Variants in THSD7B observed in about 807,000 individuals in gnomAD.
THSD7B encodes the protein thrombospondin type-1 domain-containing protein 7B.
Under a neutral mutation model 213.6 loss-of-function variants are expected in THSD7B, and 138 were observed. That is an observed-to-expected ratio of 0.65 (90% confidence interval 0.56 to 0.74). The LOEUF is 0.74. THSD7B is among the 30% of genes least tolerant of loss of function. The probability of loss-of-function intolerance (pLI) is 0.00; values close to 1 mark genes in which losing one functional copy is unlikely to be tolerated. For missense variants in THSD7B, 1,931 were observed against 1,991.5 expected, an observed-to-expected ratio of 0.97 and a Z score of 0.58; for synonymous variants, 742 against 687.0, an observed-to-expected ratio of 1.08 and a Z score of -1.25.
At chr2:137,085,949 A>G (rs1392652733) in intron 3 of THSD7B, among the ~76,000 whole-genome samples, 1 of 152,212 alleles carries the variant, frequency 6.6e-6, no homozygotes, top group African/African-American at 2.4e-5. Context: ...TACTCTTCAG[A>G]ATCTATGCAT....
chr2:137,201,190 G>A (rs2105024344), intron 7 of THSD7B, among the ~76,000 whole-genome samples: 1 of 152,208 alleles, frequency 6.6e-6, no homozygotes, highest in South Asian at 2.1e-4. Flanking sequence ...CCATTTTAGT[G>A]TGTGTCTTTG....
At chr2:137,380,739 A>G (rs1685756232) in intron 12 of THSD7B, among the ~76,000 whole-genome samples, 1 of 152,242 alleles carries the variant, frequency 6.6e-6, no homozygotes. Context: ...TGCTGTGGTC[A>G]AGAATAAGCC....
chr2:137,033,178 C>A (rs982105256), intron 2 of THSD7B, among the ~76,000 whole-genome samples: 6 of 152,144 alleles, frequency 3.9e-5, no homozygotes, highest in Non-Finnish European at 7.3e-5. Flanking sequence ...ACATGCCAGC[C>A]AGGTGGTTCT....
intron 3 of THSD7B, among the ~76,000 whole-genome samples, chr2:137,086,193 T>A (rs1327176097): frequency 1.3e-5 from 2 of 151,918 alleles, no homozygotes; most frequent in Non-Finnish European, 1.5e-5. Context: ...AAAAATTAGC[T>A]GGGCGTGATG....
intron 2 of THSD7B, among the ~76,000 whole-genome samples, chr2:136,969,337 C>A (rs1016531960): frequency 6.6e-6 from 1 of 152,138 alleles, no homozygotes; most frequent in African/African-American, 2.4e-5. Context: ...CTATGGTAAA[C>A]CTGTATTTCT....
intron 2 of THSD7B, among the ~76,000 whole-genome samples, chr2:137,021,937 G>C (rs1420036998): frequency 6.6e-6 from 1 of 152,130 alleles, no homozygotes; most frequent in African/African-American, 2.4e-5. Context: ...GCTCAGGATG[G>C]AGGGCCTTGT....
At chr2:137,038,612 AGATTAAT>A (rs1686821564) in intron 2 of THSD7B, among the ~76,000 whole-genome samples, 2 of 152,328 alleles carry the variant, frequency 1.3e-5, no homozygotes, top group Admixed American at 1.3e-4. Flanking sequence ...GGGGAAGATA[AGATTAAT>A]CATTTTTTAA....
Position 137,428,771 on chromosome 2 carries a change from C to T in THSD7B, c.2959+16899C>T, listed in dbSNP as rs370953785. On this transcript the variant is annotated intron_variant, in intron 14 of 27. Coordinates refer to ENST00000409968, the MANE Select transcript of THSD7B (RefSeq NM_001316349.2). ...CTTCTATGGTCTGAATGTGTATGTC[C>T]TCCAAAATTTATATATTGAAACTTA... Among the ~76,000 whole-genome samples the T allele has an allele frequency of 1.3e-4, 20 of 152,196 alleles. No homozygotes were observed. The East Asian group carries it at 1.9e-3, about 15-fold the overall frequency.
At chr2:137,031,695 A>G (rs112132533) in intron 2 of THSD7B, among the ~76,000 whole-genome samples, 1 of 152,126 alleles carries the variant, frequency 6.6e-6, no homozygotes, top group East Asian at 1.9e-4. Flanking sequence ...GACAAATAAA[A>G]TAATAACAGT....
At chr2:137,635,992 G>A (rs886112662) in intron 20 of THSD7B, among the ~76,000 whole-genome samples, 42 of 152,238 alleles carry the variant, frequency 2.8e-4, no homozygotes, top group African/African-American at 9.4e-4. Flanking sequence ...ATGAGCTACT[G>A]TGCCCAGCCC....
At chr2:136,943,953 A>G (rs1375193808) in intron 2 of THSD7B, among the ~76,000 whole-genome samples, 1 of 151,984 alleles carries the variant, frequency 6.6e-6, no homozygotes, top group Non-Finnish European at 1.5e-5. Flanking sequence ...TCGCTTCTCT[A>G]GTTCTTTTAA....
intron 14 of THSD7B, among the ~76,000 whole-genome samples, chr2:137,423,170 C>T (rs959790150): frequency 6.6e-6 from 1 of 151,896 alleles, no homozygotes; most frequent in Non-Finnish European, 1.5e-5. Context: ...TGAAAGGCTA[C>T]AAAGTAACTT....
chr2:137,453,414 C>A (rs1687694137), intron 15 of THSD7B, among the ~76,000 whole-genome samples: 1 of 136,716 alleles, frequency 7.3e-6, no homozygotes, highest in Non-Finnish European at 1.5e-5. Context: ...ACTGCAAGCT[C>A]TGCCTCCTGG....
At chr2:137,331,259 A>G (rs1277401463) in intron 12 of THSD7B, among the ~76,000 whole-genome samples, 1 of 151,454 alleles carries the variant, frequency 6.6e-6, no homozygotes, top group Non-Finnish European at 1.5e-5. Flanking sequence ...GAGCAGCTAG[A>G]TACAGAGTGT....
Position 136,919,111 on chromosome 2 carries a change from T to C in THSD7B, c.139+36794T>C, listed in dbSNP as rs1240899740. Reference sequence around the variant, plus strand: ...GTGAAACAATTTCCCAAATGATGTGTTCCTTAAAAATGCATGCAGTTTAGG... The same window carrying C: ...GTGAAACAATTTCCCAAATGATGTGCTCCTTAAAAATGCATGCAGTTTAGG... On this transcript the variant is annotated intron_variant, in intron 2 of 27. Transcript: ENST00000409968. 3.3e-5 allele frequency among the ~76,000 whole-genome samples: 5 copies of C among 152,190 alleles called. No individual in the cohort carries two copies. The East Asian group carries it at 9.6e-4, about 29-fold the overall frequency.
chr2:136,928,432 C>T (rs913685694), intron 2 of THSD7B, among the ~76,000 whole-genome samples: 4 of 152,014 alleles, frequency 2.6e-5, no homozygotes, highest in East Asian at 1.9e-4. Context: ...ATTTGTATAG[C>T]GTTTGTTTTT....
chr2:137,219,866 G>A (rs954945415), intron 7 of THSD7B, among the ~76,000 whole-genome samples: 2 of 152,118 alleles, frequency 1.3e-5, no homozygotes, highest in African/African-American at 2.4e-5. Flanking sequence ...CAGCCACAAG[G>A]TAATTTTCAT....
chr2:136,973,506 G>A (rs1174720507), intron 2 of THSD7B, among the ~76,000 whole-genome samples: 1 of 152,028 alleles, frequency 6.6e-6, no homozygotes, highest in Middle Eastern at 3.2e-3. Context: ...GTCATTACAA[G>A]AGAAGCAAAA....
intron 2 of THSD7B, among the ~76,000 whole-genome samples, chr2:136,943,589 T>C (rs945186452): frequency 2.6e-5 from 4 of 152,228 alleles, no homozygotes; most frequent in African/African-American, 9.6e-5. Flanking sequence ...GAGATTCCAC[T>C]TCTTCCTGGT....
Sources: gnomAD v4.1 joint callset for allele counts (sites outside exome capture counted in the v4.1 genomes callset) on GRCh38, gnomAD v4.1.1 for gene constraint, MANE v1.5 for transcripts, NCBI Gene and HGNC (gene_info 2026-07-23, HGNC 2026-07-21) for gene names.